The following JRK variants were observed in gnomAD, a reference collection of about 807,000 sequenced individuals.
JRK encodes Jrk helix-turn-helix protein.
For synonymous variants in JRK, 303 were observed against 218.1 expected (o/e 1.39, Z -3.43); for missense variants, 720 against 509.2 (o/e 1.41, Z -3.98).
Position 142,663,048 on chromosome 8 carries a change from G to A in JRK, c.*1304C>T. 1 of 682,854 alleles carries A rather than the reference G, an allele frequency of 1.5e-6. No homozygotes were observed. The highest frequency in any genetic ancestry group is 1.9e-5 in the African/African-American group (1 of 51,288). The allele number at this position is 682,854 out of a possible 1,614,324, so 42.3% of individuals were successfully genotyped here. A position where few individuals can be genotyped will look rare whatever the true frequency, so the allele number is the denominator to read the frequency against. On this transcript the variant is annotated 3_prime_UTR_variant, in exon 2 of 2. Coordinates refer to ENST00000612905, the MANE Select transcript of JRK (RefSeq NM_003724.4). ...CGTGCCTCTAGTCCCAGCTACTCAG[G>A]AGGCTGGGGCGGGAGGATCACTCAA...
Position 142,663,637 on chromosome 8 carries a change from T to C in JRK, c.*715A>G, listed in dbSNP as rs1337418346. 3 of 985,334 alleles carry C rather than the reference T, an allele frequency of 3.0e-6. No individual in the cohort carries two copies. The African/African-American group carries it at 5.2e-5, about 17-fold the overall frequency. The allele number at this position is 985,334 out of a possible 1,614,324, so 61.0% of individuals were successfully genotyped here. On this transcript the variant is annotated 3_prime_UTR_variant, in exon 2 of 2. Coordinates refer to ENST00000612905, the MANE Select transcript of JRK (RefSeq NM_003724.4). ...GGCCTGGTCAGCCACTCCTACTTTCTTCCCAGAAAGGAACTCTACCAAGTC... is the reference window on the plus strand; with the variant it reads ...GGCCTGGTCAGCCACTCCTACTTTCCTCCCAGAAAGGAACTCTACCAAGTC...
downstream of JRK, among the ~76,000 whole-genome samples, chr8:142,655,349 C>T (rs1554633518): frequency 1.3e-5 from 2 of 152,326 alleles, no homozygotes; most frequent in South Asian, 4.1e-4. Context: ...CAGAGTGGCC[C>T]CACACGAATC....
rs1846835210 is a variant in JRK, at chr8:142,659,142, A to C, written c.*5210T>G. 9.7e-6 allele frequency: 13 copies of C among 1,339,324 alleles called. No homozygotes were observed. In the South Asian group the frequency reaches 1.9e-4, roughly 20 times the overall value. 83.0% of individuals were successfully genotyped at this position (1,339,324 alleles called of 1,614,324 possible). ...TGGCCAGGTGCCAAGTCCCAGCTCA[A>C]GCCTGGCAGCTCCTCCCACTGAGCC... is the stretch of plus-strand genomic sequence containing the variant. On this transcript the variant is annotated 3_prime_UTR_variant, in exon 2 of 2. Coordinates refer to ENST00000612905, the MANE Select transcript of JRK (RefSeq NM_003724.4).
chr8:142,649,725 C>A, the JRK span, among the ~76,000 whole-genome samples: 881 of 152,330 alleles, frequency 5.8e-3, 10 homozygotes, highest in African/African-American at 0.02. Flanking sequence ...ATGGAAACGA[C>A]TGGATGTCCA....
At position 142,659,465 on chromosome 8, in the gene JRK, G is replaced by T. The variant is rs894615292; in HGVS notation, c.*4887C>A. ...CGTAGCTTGCTTCCCAGCCAGCCTG[G>T]GTGTGGAAATGGCCGTGCTGACAGG... On this transcript the variant is annotated 3_prime_UTR_variant, in exon 2 of 2. Transcript: ENST00000612905. 4.1e-6 allele frequency: 4 copies of T among 986,400 alleles called. No individual in the cohort carries two copies. The highest frequency in any genetic ancestry group is 4.8e-6 in the Non-Finnish European group (4 of 830,666). The allele number at this position is 986,400 out of a possible 1,614,324, so 61.1% of individuals were successfully genotyped here.
At chr8:142,648,883 C>T in the JRK span, among the ~76,000 whole-genome samples, 3 of 152,230 alleles carry the variant, frequency 2.0e-5, no homozygotes, top group African/African-American at 7.2e-5. Flanking sequence ...GGAGGCTGTA[C>T]CCTGCAAAGC....
Position 142,666,203 on chromosome 8 carries a change from G to A in JRK, c.-145C>T. The A allele has an allele frequency of 1.4e-6, 2 of 1,420,200 alleles. No homozygotes were observed. Among genetic ancestry groups the A allele is most frequent in the Non-Finnish European group, 1.9e-6 (2 of 1,036,932 alleles). 88.0% of individuals were successfully genotyped at this position (1,420,200 alleles called of 1,614,324 possible). The stretch of plus-strand genomic sequence containing the variant: ...GCCTGCTCTGCTGATCCTGAGCACA[G>A]GCCCCAGTCCCTCTCGGGTTTCTCA... On this transcript the variant is annotated 5_prime_UTR_variant, in exon 2 of 2. Coordinates refer to ENST00000612905, the MANE Select transcript of JRK (RefSeq NM_003724.4).
Position 142,664,827 on chromosome 8 carries a change from T to C in JRK, c.1232A>G (p.His411Arg). The C allele has an allele frequency of 6.3e-7, 1 of 1,597,094 alleles. No individual in the cohort carries two copies. Among genetic ancestry groups the C allele is most frequent in the East Asian group, 2.3e-5 (1 of 44,414 alleles). ...LEAECFPVKP[H>R]NKSFAHILEL... ...CAGGATGTGTGCAAAGGACTTGTTG[T>C]GGGGCTTCACTGGGAAGCACTCTGC... The change falls in exon 2 of 2, where the codon CAC becomes CGC. Residue 411 changes from histidine to arginine, a missense_variant. His to Arg is a conservative substitution (Grantham distance 29). Transcript: ENST00000612905.
At chr8:142,644,808 T>G in the JRK span, among the ~76,000 whole-genome samples, 3 of 152,212 alleles carry the variant, frequency 2.0e-5, no homozygotes, top group African/African-American at 7.2e-5. Context: ...TATAAACAAC[T>G]TATAAAATTT....
chr8:142,661,431 CA>C lies in JRK; in HGVS notation c.*2920del, dbSNP rs1846912634. On this transcript the variant is annotated 3_prime_UTR_variant, in exon 2 of 2. Transcript: ENST00000612905. ...AGGAGCGCCCTCAGGCCTGAGCACT[CA>C]GGGGTGCCACCCCAAAGATGAAGGC... 1.1e-5 allele frequency: 11 copies of C among 985,402 alleles called. No homozygotes were observed. The South Asian group carries it at 5.2e-4, about 46-fold the overall frequency. The allele number at this position is 985,402 out of a possible 1,614,324, so 61.0% of individuals were successfully genotyped here.
rs587630217 is a variant in JRK at position 142,662,595 on chromosome 8, T to A, written c.*1757A>T. ...ATCTTTAAAAACTATTTGGCTTTTATAATCTTCACACATGCATTCAAAGCA... is the reference window on the plus strand; with the variant it reads ...ATCTTTAAAAACTATTTGGCTTTTAAAATCTTCACACATGCATTCAAAGCA... On this transcript the variant is annotated 3_prime_UTR_variant, in exon 2 of 2. Transcript: ENST00000612905. 123 of 985,468 alleles carry A rather than the reference T, an allele frequency of 1.2e-4. No individual in the cohort carries two copies. The highest frequency in any genetic ancestry group is 1.2e-3 in the Admixed American group (20 of 16,274). The allele number at this position is 985,468 out of a possible 1,614,324, so 61.0% of individuals were successfully genotyped here.
Position 142,658,997 on chromosome 8 carries a change from C to T in JRK, c.*5355G>A, listed in dbSNP as rs1846829826. ...TGGAGGAGCGTCAGTATGTCCACAC[C>T]ATAGGGGTGTAGTCACTTCCCTCTG... is the stretch of plus-strand genomic sequence containing the variant. On this transcript the variant is annotated 3_prime_UTR_variant, in exon 2 of 2. Transcript: ENST00000612905. The T allele has an allele frequency of 6.3e-7, 1 of 1,579,746 alleles. No homozygotes were observed. Among genetic ancestry groups the T allele is most frequent in the Non-Finnish European group, 8.6e-7 (1 of 1,161,570 alleles).
At chr8:142,644,910 C>G in the JRK span, among the ~76,000 whole-genome samples, 5 of 152,052 alleles carry the variant, frequency 3.3e-5, no homozygotes, top group African/African-American at 1.2e-4. Flanking sequence ...TCCAGAAAAC[C>G]TTGTTAATCT....
the JRK span, among the ~76,000 whole-genome samples, chr8:142,648,213 AAAG>A: frequency 6.6e-6 from 1 of 152,252 alleles, no homozygotes; most frequent in Middle Eastern, 3.2e-3. Flanking sequence ...ATGTGATAGA[AAAG>A]AAAATGCCAT....
In JRK at chr8:142,661,618, G is replaced by C. The variant is rs374177483; in HGVS notation, c.*2734C>G. On this transcript the variant is annotated 3_prime_UTR_variant, in exon 2 of 2. Transcript: ENST00000612905. Reference sequence around the variant, plus strand: ...GAGTGGCTCCAGCCTGGTGCTCACAGATAAAACGCGGAGGCATTTAAACAG... The same window carrying C: ...GAGTGGCTCCAGCCTGGTGCTCACACATAAAACGCGGAGGCATTTAAACAG... The C allele has an allele frequency of 1.0e-6, 1 of 985,482 alleles. No homozygotes were observed. The highest frequency in any genetic ancestry group is 1.2e-6 in the Non-Finnish European group (1 of 829,954). The allele number at this position is 985,482 out of a possible 1,614,324, so 61.0% of individuals were successfully genotyped here. A position where few individuals can be genotyped will look rare whatever the true frequency, so the allele number is the denominator to read the frequency against.
Position 142,663,023 on chromosome 8 carries a change from C to A in JRK, c.*1329G>T, listed in dbSNP as rs959469123. On this transcript the variant is annotated 3_prime_UTR_variant, in exon 2 of 2. Transcript: ENST00000612905. ...AAAAAAATAAAAAGGCGCGGTGGTG[C>A]GTGCCTCTAGTCCCAGCTACTCAGG... 8 of 559,106 alleles carry A rather than the reference C, an allele frequency of 1.4e-5. No homozygotes were observed. The highest frequency in any genetic ancestry group is 1.8e-5 in the Non-Finnish European group (8 of 441,316). The allele number at this position is 559,106 out of a possible 1,614,324, so 34.6% of individuals were successfully genotyped here. A position where few individuals can be genotyped will look rare whatever the true frequency, so the allele number is the denominator to read the frequency against.
chr8:142,664,010 C>T lies in JRK; in HGVS notation c.*342G>A. The T allele has an allele frequency of 9.1e-7, 1 of 1,100,966 alleles. No individual in the cohort carries two copies. The highest frequency in any genetic ancestry group is 1.1e-6 in the Non-Finnish European group (1 of 903,670). 68.2% of individuals were successfully genotyped at this position (1,100,966 alleles called of 1,614,324 possible). A position where few individuals can be genotyped will look rare whatever the true frequency, so the allele number is the denominator to read the frequency against. On this transcript the variant is annotated 3_prime_UTR_variant, in exon 2 of 2. Coordinates refer to ENST00000612905, the MANE Select transcript of JRK (RefSeq NM_003724.4). Reference sequence around the variant, plus strand: ...CTGACATCTCCACCCTCTGATACTGCAATGATCAGCCAGCGAACACGAGAC... The same window carrying T: ...CTGACATCTCCACCCTCTGATACTGTAATGATCAGCCAGCGAACACGAGAC...
chr8:142,658,927 C>T lies in JRK; in HGVS notation c.*5425G>A, dbSNP rs1554634133. ...CCTCTGGTGAGGTCACTACCACATC[C>T]TCAAGGCCCACAGTCTCCTGAAACA... On this transcript the variant is annotated 3_prime_UTR_variant, in exon 2 of 2. Transcript: ENST00000612905. 6.2e-7 allele frequency: 1 copy of T among 1,613,424 alleles called. No individual in the cohort carries two copies. The highest frequency in any genetic ancestry group is 1.1e-5 in the South Asian group (1 of 90,878).
the JRK span, among the ~76,000 whole-genome samples, chr8:142,651,581 G>A: frequency 1.0e-4 from 15 of 145,624 alleles, no homozygotes; most frequent in Admixed American, 1.4e-4. Flanking sequence ...AGCCACTTCA[G>A]AGGCCTTGTT....
Sources: allele counts gnomAD v4.1 joint callset (sites outside exome capture counted in the v4.1 genomes callset), GRCh38; gene constraint gnomAD v4.1.1; transcripts MANE v1.5; gene names NCBI Gene and HGNC (gene_info 2026-07-23, HGNC 2026-07-21).